SLC4A5: variants seen among roughly 807,000 people sequenced by gnomAD.
SLC4A5 encodes solute carrier family 4 member 5.
Under a neutral mutation model 120.4 loss-of-function variants are expected in SLC4A5, and 96 were observed. The observed-to-expected ratio is 0.80, with a 90% CI of 0.68 to 0.94. The LOEUF is 0.94. SLC4A5 is among the 40% of genes least tolerant of loss of function. The pLI, the probability that SLC4A5 is intolerant of heterozygous loss-of-function variation, is 0.00. For missense variants in SLC4A5, 1,259 were observed against 1,459.5 expected (o/e 0.86, Z 2.24); for synonymous variants, 550 against 571.1 (o/e 0.96, Z 0.53).
chr2:74,317,225 A>G (rs1436922704), intron 5 of SLC4A5, among the ~76,000 whole-genome samples: 1 of 152,188 alleles, frequency 6.6e-6, no homozygotes, highest in African/African-American at 2.4e-5. Context: ...CAAGAAATAA[A>G]GTCTTCTCTC....
intron 6 of SLC4A5, among the ~76,000 whole-genome samples, chr2:74,306,301 G>A (rs977363631): frequency 6.6e-6 from 1 of 152,170 alleles, no homozygotes; most frequent in Non-Finnish European, 1.5e-5. Flanking sequence ...TCTGGCCAGA[G>A]AGATGTTAGC....
intron 10 of SLC4A5, 64 bp from the exon 11 acceptor site, chr2:74,262,296 G>T (rs902591740): frequency 7.3e-7 from 1 of 1,376,826 alleles, no homozygotes; most frequent in Non-Finnish European, 1.0e-6. Context: ...AGCCTCTTGG[G>T]TTAGTTCACT....
exon 22 of SLC4A5, chr2:74,235,208 C>G: frequency 6.2e-7 from 1 of 1,613,506 alleles, no homozygotes; most frequent in Non-Finnish European, 8.5e-7. Flanking sequence ...GCCACCAGGG[C>G]CCGGACCTGC....
intron 4 of SLC4A5, among the ~76,000 whole-genome samples, chr2:74,332,779 G>A (rs543730099): frequency 6.6e-6 from 1 of 152,192 alleles, no homozygotes; most frequent in Admixed American, 6.5e-5. Flanking sequence ...AGGAGGGAGA[G>A]AAAGACCTAG....
In SLC4A5 at chr2:74,223,926, A is replaced by G. The variant is rs1558864245; in HGVS notation, c.3246+914T>C. Among the ~76,000 whole-genome samples the G allele has an allele frequency of 2.0e-5, 3 of 152,372 alleles. No homozygotes were observed. In the South Asian group the frequency reaches 6.2e-4, roughly 32 times the overall value. On this transcript the variant is annotated intron_variant, in intron 28 of 30. Coordinates refer to ENST00000394019, the Ensembl canonical transcript of SLC4A5. Reference sequence around the variant, plus strand: ...GGTTTCATCTGCACAAGGCAAAATCACGAGAACAGGACAGGGTGGATGCAG... The same window carrying G: ...GGTTTCATCTGCACAAGGCAAAATCGCGAGAACAGGACAGGGTGGATGCAG...
At chr2:74,250,513 A>G in exon 17 of SLC4A5, 2 of 1,614,208 alleles carry the variant, frequency 1.2e-6, no homozygotes, top group Non-Finnish European at 1.7e-6. Flanking sequence ...AGGCCACCGA[A>G]GAACCTGCTC....
At chr2:74,249,626 G>T (rs1670728876) in intron 17 of SLC4A5, among the ~76,000 whole-genome samples, 1 of 152,146 alleles carries the variant, frequency 6.6e-6, no homozygotes, top group South Asian at 2.1e-4. Flanking sequence ...ACAGCTGGGT[G>T]AACCACGGTA....
At chr2:74,240,844 C>A (rs1230709989) in intron 20 of SLC4A5, among the ~76,000 whole-genome samples, 5 of 151,976 alleles carry the variant, frequency 3.3e-5, no homozygotes, top group African/African-American at 4.8e-5. Context: ...GCAGAGCAGT[C>A]AATTGCCTAG....
intron 29 of SLC4A5, 109 bp from the exon 30 acceptor site, chr2:74,221,610 A>G: frequency 9.1e-7 from 1 of 1,100,048 alleles, no homozygotes; most frequent in South Asian, 1.3e-5. Flanking sequence ...TAGAGCCAAC[A>G]CTATGCAAGA....
chr2:74,265,053 C>T, intron 9 of SLC4A5, 51 bp downstream of exon 9: 2 of 1,572,210 alleles, frequency 1.3e-6, no homozygotes, highest in African/African-American at 2.7e-5. Flanking sequence ...GGGGAGCTGC[C>T]CTGGTTTGCA....
At chr2:74,318,044 C>T (rs1427064612) in intron 5 of SLC4A5, among the ~76,000 whole-genome samples, 1 of 151,868 alleles carries the variant, frequency 6.6e-6, no homozygotes, top group Non-Finnish European at 1.5e-5. Context: ...GTCACAAAAG[C>T]AAAAATAGAC....
intron 4 of SLC4A5, among the ~76,000 whole-genome samples, chr2:74,331,714 C>A (rs56977107): frequency 0.039 from 5,951 of 152,100 alleles, 401 homozygotes; most frequent in African/African-American, 0.14. Context: ...TCCCTCCAAG[C>A]ACTTTTGCCT....
intron 5 of SLC4A5, among the ~76,000 whole-genome samples, chr2:74,315,661 T>TG (rs1324580825): frequency 2.0e-5 from 3 of 150,760 alleles, no homozygotes; most frequent in Non-Finnish European, 3.0e-5. Flanking sequence ...CCAGGTGTGA[T>TG]GGTGTGCTGT....
chr2:74,250,960 T>C lies in SLC4A5; in HGVS notation c.1479-443A>G, dbSNP rs1277207164. Among the ~76,000 whole-genome samples the C allele has an allele frequency of 5.3e-5, 8 of 152,210 alleles. No individual in the cohort carries two copies. In the East Asian group the frequency reaches 1.2e-3, roughly 22 times the overall value. Reference sequence around the variant, plus strand: ...AACAGATCCTAAACCTTATAACTGGTTGGTATTTGTTTGTTTTTTGATTTT... The same window carrying C: ...AACAGATCCTAAACCTTATAACTGGCTGGTATTTGTTTGTTTTTTGATTTT... On this transcript the variant is annotated intron_variant, in intron 16 of 30. Coordinates refer to ENST00000394019, the Ensembl canonical transcript of SLC4A5.
intron 3 of SLC4A5, among the ~76,000 whole-genome samples, chr2:74,335,518 G>A (rs1412035515): frequency 6.6e-6 from 1 of 152,166 alleles, no homozygotes; most frequent in African/African-American, 2.4e-5. Context: ...AGCTACCCTG[G>A]AAAGCTACTT....
intron 8 of SLC4A5, among the ~76,000 whole-genome samples, chr2:74,280,702 G>A (rs79719185): frequency 7.1e-6 from 1 of 140,402 alleles, no homozygotes; most frequent in African/African-American, 2.7e-5. Context: ...TTTTTTTTTT[G>A]AGACAGAGTT....
At chr2:74,339,494 A>G (rs2104358249) in intron 2 of SLC4A5, 1 of 152,358 alleles carries the variant, frequency 6.6e-6, no homozygotes, top group African/African-American at 2.4e-5. Context: ...GGCTGTCATC[A>G]TGCCTGTGTA....
chr2:74,241,179 TTGCTTACA>T (rs1670428814), intron 20 of SLC4A5, among the ~76,000 whole-genome samples: 1 of 152,078 alleles, frequency 6.6e-6, no homozygotes, highest in African/African-American at 2.4e-5. Flanking sequence ...ATGGCAGGCT[TTGCTTACA>T]GCTTTGTGAG....
chr2:74,252,043 G>A, intron 16 of SLC4A5, 136 bp downstream of exon 16: 1 of 937,670 alleles, frequency 1.1e-6, no homozygotes, highest in Non-Finnish European at 1.6e-6. Flanking sequence ...GGGTTCAAGG[G>A]CTCTGGGAGG....
Sources: allele counts gnomAD v4.1 joint callset (sites outside exome capture counted in the v4.1 genomes callset), GRCh38; gene constraint gnomAD v4.1.1; transcripts MANE v1.5; gene names NCBI Gene and HGNC (gene_info 2026-07-23, HGNC 2026-07-21).